PRKD3: variants seen among roughly 807,000 people sequenced by gnomAD.
The protein encoded by PRKD3 is protein kinase D3, also known as serine/threonine-protein kinase D3.
In PRKD3, 47 loss-of-function variants were observed where a neutral mutation model predicts 99.2. The ratio of observed to expected loss-of-function variants is 0.47; its 90% CI spans 0.38 to 0.60. The LOEUF (loss-of-function observed/expected upper bound fraction) is 0.60. PRKD3 is among the 20% of genes least tolerant of loss of function. PRKD3 has a pLI of 0.00. For synonymous variants in PRKD3, 392 were observed against 355.4 expected (o/e 1.10, Z -1.16); for missense variants, 1,019 against 1,088.4 (o/e 0.94, Z 0.90).
intron 2 of PRKD3, among the ~76,000 whole-genome samples, chr2:37,299,975 A>T (rs1382699544): frequency 6.6e-6 from 1 of 152,188 alleles, no homozygotes; most frequent in Non-Finnish European, 1.5e-5. Flanking sequence ...AACAGCACGG[A>T]GGTTGCCAAA....
At chr2:37,260,100 GGTTGCAGTGAGCCA>G (rs1668298583) in intron 15 of PRKD3, 109 bp downstream of exon 15, 4 of 821,564 alleles carry the variant, frequency 4.9e-6, no homozygotes, top group African/African-American at 1.7e-5. Flanking sequence ...AGGAGGCAGA[GGTTGCAGTGAGCCA>G]GATTGCACCA....
chr2:37,266,574 C>T (rs554245227), intron 14 of PRKD3, among the ~76,000 whole-genome samples: 47 of 152,166 alleles, frequency 3.1e-4, no homozygotes, highest in Non-Finnish European at 6.3e-4. Context: ...GCAGCCTCCA[C>T]CTTCCAGGTT....
At chr2:37,323,966 G>C (rs1328334974) in intron 1 of PRKD3, among the ~76,000 whole-genome samples, 2 of 151,552 alleles carry the variant, frequency 1.3e-5, no homozygotes, top group Admixed American at 6.6e-5. Context: ...GCCTGCAGAC[G>C]GCAAGGCCTA....
At chr2:37,269,487 T>G in intron 13 of PRKD3, 128 bp downstream of exon 13, 1 of 736,834 alleles carries the variant, frequency 1.4e-6, no homozygotes, top group South Asian at 1.6e-5. Flanking sequence ...AGCTGAAAGA[T>G]AACAAGTCAG....
chr2:37,313,806 A>G (rs772380063), intron 2 of PRKD3, among the ~76,000 whole-genome samples: 1 of 152,236 alleles, frequency 6.6e-6, no homozygotes, highest in Non-Finnish European at 1.5e-5. Flanking sequence ...CTCAACTTAC[A>G]ATAGGATAAA....
rs34280934 is a variant in PRKD3, at chr2:37,289,400, G to A, written c.673C>T (p.Pro225Ser). 1.5e-3 allele frequency: 2,432 copies of A among 1,614,134 alleles called. 11 individuals are homozygous for A. Among genetic ancestry groups the A allele is most frequent in the Non-Finnish European group, 1.5e-3 (1,745 of 1,180,008 alleles). Reference protein sequence around the residue: ...VSLPGPGLSVPRPLQPEYVAL... With the variant: ...VSLPGPGLSVSRPLQPEYVAL... ...ACATATTCAGGCTGTAGGGGTCTTG[G>A]AACTGAGAGGCCGGGTCCTGGTAAA... Residue 225 changes from proline to serine, a missense_variant, in exon 5 of 19, where the codon CCA becomes TCA. Physicochemically the swap from Pro to Ser is moderately conservative, Grantham distance 74. This residue lies in a region of PRKD3 where 710 missense variants were observed against 692.7 expected (regional missense o/e 1.02). Transcript: ENST00000234179.
intron 1 of PRKD3, among the ~76,000 whole-genome samples, chr2:37,320,955 T>A (rs1320676513): frequency 6.6e-6 from 1 of 152,296 alleles, no homozygotes; most frequent in Middle Eastern, 3.4e-3. Flanking sequence ...CTCTTTCCAT[T>A]TTCCCTCTCC....
At chr2:37,309,797 G>A (rs949821183) in intron 2 of PRKD3, among the ~76,000 whole-genome samples, 2 of 144,318 alleles carry the variant, frequency 1.4e-5, no homozygotes, top group African/African-American at 2.6e-5. Flanking sequence ...GCAGTGAGCC[G>A]AGATCGCGCC....
intron 14 of PRKD3, among the ~76,000 whole-genome samples, chr2:37,262,902 C>CT (rs1553366978): frequency 6.6e-6 from 1 of 151,460 alleles, no homozygotes; most frequent in African/African-American, 2.4e-5. Context: ...CCTTCCCCCC[C>CT]CCGTATTTGT....
At chr2:37,306,597 C>T (rs551561505) in intron 2 of PRKD3, among the ~76,000 whole-genome samples, 13 of 152,134 alleles carry the variant, frequency 8.5e-5, no homozygotes, top group African/African-American at 2.9e-4. Flanking sequence ...ACGCTTGAGC[C>T]CGAGAGTTCA....
In PRKD3 at chr2:37,253,264, C is replaced by A; in HGVS notation, c.2586G>T (p.Trp862Cys). The A allele has an allele frequency of 6.2e-7, 1 of 1,612,898 alleles. No homozygotes were observed. Among genetic ancestry groups the A allele is most frequent in the Non-Finnish European group, 8.5e-7 (1 of 1,179,108 alleles). Residue 862 changes from tryptophan (W) to cysteine (C), a missense_variant, in exon 19 of 19, where the codon TGG becomes TGT. Physicochemically the swap from Trp to Cys is radical, Grantham distance 215. This residue lies in a region of PRKD3 where 125 missense variants were observed against 120.6 expected (regional missense o/e 1.04). Transcript: ENST00000234179. ...GGTTATGTGTGTATGCATGTATTTC[C>A]CAGCGAGCATCATCACTTTCATGTG... The part of the protein sequence containing the change: ...YITHESDDAR[W>C]EIHAYTHNLV...
chr2:37,280,055 T>TC (rs112877376), intron 7 of PRKD3, 126 bp from the exon 8 acceptor site: 170 of 150,294 alleles, frequency 1.1e-3, no homozygotes, highest in Middle Eastern at 5.2e-3. Context: ...AGTATTTCTC[T>TC]TTTTTTTTTT....
chr2:37,289,526 T>C lies in PRKD3; in HGVS notation c.560-13A>G, dbSNP rs1460283545. The C allele has an allele frequency of 1.9e-6, 3 of 1,595,634 alleles. No homozygotes were observed. Among genetic ancestry groups the C allele is most frequent in the South Asian group, 2.3e-5 (2 of 87,574 alleles). The stretch of plus-strand genomic sequence containing the variant: ...TTTAATCCACAGCCTAAACATATTT[T>C]ACAAGGTAAAATATAAGATTTAAAA... On this transcript the variant is annotated splice_polypyrimidine_tract_variant and intron_variant, in intron 4 of 18. Coordinates refer to ENST00000234179, the MANE Select transcript of PRKD3 (RefSeq NM_005813.6).
At chr2:37,282,386 T>G in intron 7 of PRKD3, 156 bp downstream of exon 7, 1 of 592,264 alleles carries the variant, frequency 1.7e-6, no homozygotes, top group Middle Eastern at 4.5e-4. Flanking sequence ...AAATGTATAC[T>G]GTCAGTGGTC....
At chr2:37,256,026 G>C (rs1353677346) in intron 17 of PRKD3, among the ~76,000 whole-genome samples, 2 of 152,074 alleles carry the variant, frequency 1.3e-5, no homozygotes, top group African/African-American at 2.4e-5. Flanking sequence ...AATAAAAAAA[G>C]ATAATAAAAA....
rs1480433361 is a variant in PRKD3 at position 37,293,224 on chromosome 2, A to G, written c.336T>C (p.Phe112=). ...TGTTTTCTGAGTTCATGTCATGGCG[A>G]AAGAGAAGAATTTTGTCATACATGC... ...FFGMYDKILL[F]RHDMNSENIL... The change falls in exon 3 of 19, where the codon TTT becomes TTC. Residue 112 remains phenylalanine (F), a synonymous_variant. Transcript: ENST00000234179. 2.5e-6 allele frequency: 4 copies of G among 1,604,016 alleles called. No individual in the cohort carries two copies. Among genetic ancestry groups the G allele is most frequent in the Non-Finnish European group, 2.6e-6 (3 of 1,172,314 alleles).
chr2:37,319,728 G>C (rs1022879531), intron 1 of PRKD3, among the ~76,000 whole-genome samples: 9 of 150,414 alleles, frequency 6.0e-5, no homozygotes, highest in African/African-American at 2.2e-4. Flanking sequence ...TTATATCTAT[G>C]GTCAACATTT....
At chr2:37,292,350 CT>C (rs987226119) in intron 3 of PRKD3, among the ~76,000 whole-genome samples, 215 of 142,884 alleles carry the variant, frequency 1.5e-3, no homozygotes, top group Middle Eastern at 3.5e-3. Flanking sequence ...TGATTTTTTC[CT>C]TTTTTTTTTT....
intron 7 of PRKD3, among the ~76,000 whole-genome samples, chr2:37,280,901 A>G (rs1411271316): frequency 6.6e-6 from 1 of 152,198 alleles, no homozygotes; most frequent in Non-Finnish European, 1.5e-5. Flanking sequence ...AAATTCTTAC[A>G]GCTCAATGAA....
Sources: gnomAD v4.1 joint callset for allele counts (sites outside exome capture counted in the v4.1 genomes callset) on GRCh38, gnomAD v4.1.1 for gene constraint, gnomAD v4.1.1 regional missense constraint, MANE v1.5 for transcripts, NCBI Gene and HGNC (gene_info 2026-07-23, HGNC 2026-07-21) for gene names.